Variants in CACNA1C observed in about 807,000 individuals in gnomAD.
CACNA1C encodes voltage-dependent L-type calcium channel subunit alpha-1C.
CACNA1C carries 30 observed loss-of-function variants against 229.0 expected under a neutral mutation model. That is an observed-to-expected ratio of 0.13 (90% CI 0.10 to 0.18). The LOEUF is 0.18. Among genes scored for constraint, CACNA1C ranks in the 10% least tolerant of loss-of-function variants. The pLI, the probability that CACNA1C is intolerant of heterozygous loss-of-function variation, is 1.00. For synonymous variants in CACNA1C, 1,114 were observed against 1,132.5 expected, an observed-to-expected ratio of 0.98 and a Z score of 0.33; for missense variants, 1,658 against 2,845.0, an observed-to-expected ratio of 0.58 and a Z score of 9.49.
At chr12:2,588,292 G>A (rs775783516) in intron 18 of CACNA1C, among the ~76,000 whole-genome samples, 1 of 152,228 alleles carries the variant, frequency 6.6e-6, no homozygotes, top group Non-Finnish European at 1.5e-5. Flanking sequence ...GCCATGCCTG[G>A]TTCATGCAGG....
At chr12:2,537,191 C>T (rs2099857793) in intron 9 of CACNA1C, among the ~76,000 whole-genome samples, 1 of 152,250 alleles carries the variant, frequency 6.6e-6, no homozygotes, top group South Asian at 2.1e-4. Flanking sequence ...CTTACCCTTG[C>T]TCTCCCATGA....
intron 5 of CACNA1C, among the ~76,000 whole-genome samples, chr12:2,470,925 C>T (rs563389112): frequency 9.2e-5 from 14 of 152,130 alleles, no homozygotes; most frequent in South Asian, 2.1e-4. Flanking sequence ...CACCCCCTCC[C>T]GGGTTCAAAT....
intron 3 of CACNA1C, among the ~76,000 whole-genome samples, chr12:2,238,771 C>A (rs1042914767): frequency 6.6e-6 from 1 of 152,050 alleles, no homozygotes; most frequent in Admixed American, 6.6e-5. Flanking sequence ...TGCAGGAAGC[C>A]GAGAGGAGGA....
In CACNA1C at chr12:2,173,223, G is replaced by A. The variant is rs1489925558; in HGVS notation, c.477+52793G>A. The stretch of plus-strand genomic sequence containing the variant: ...ATTTAAGTCTGAGGGGAGAAGTTAG[G>A]AAAGGGTTGTGGGTCACAGAATTAG... On this transcript the variant is annotated intron_variant, in intron 3 of 46. Transcript: ENST00000399655. 2.0e-5 allele frequency among the ~76,000 whole-genome samples: 3 copies of A among 152,318 alleles called. No individual in the cohort carries two copies. In the East Asian group the frequency reaches 5.8e-4, roughly 29 times the overall value.
intron 3 of CACNA1C, among the ~76,000 whole-genome samples, chr12:2,194,231 C>T (rs1221440198): frequency 2.8e-5 from 4 of 141,286 alleles, no homozygotes; most frequent in Admixed American, 2.1e-4. Flanking sequence ...CCTTCTACTC[C>T]TTTTGTTCCT....
intron 1 of CACNA1C, among the ~76,000 whole-genome samples, chr12:2,033,816 G>A (rs1006385): frequency 0.61 from 92,346 of 152,122 alleles, 29,944 homozygotes; most frequent in East Asian, 0.85. Flanking sequence ...TGTAGGCACC[G>A]TGAATAGATG....
intron 9 of CACNA1C, among the ~76,000 whole-genome samples, chr12:2,544,993 A>C (rs1370836706): frequency 6.6e-6 from 1 of 152,218 alleles, no homozygotes; most frequent in African/African-American, 2.4e-5. Flanking sequence ...AGAAAGCTGT[A>C]GTGAATCATA....
intron 6 of CACNA1C, among the ~76,000 whole-genome samples, chr12:2,491,753 G>A (rs1314564543): frequency 6.6e-6 from 1 of 152,160 alleles, no homozygotes; most frequent in Non-Finnish European, 1.5e-5. Flanking sequence ...TCTTACTTAA[G>A]GATTAATATT....
chr12:2,369,403 C>CTTTTTTTT (rs372810217), intron 3 of CACNA1C, among the ~76,000 whole-genome samples: 5 of 142,050 alleles, frequency 3.5e-5, no homozygotes, highest in African/African-American at 5.1e-5. Flanking sequence ...CTTTACATAC[C>CTTTTTTTT]TTTTTTTTTT....
At chr12:2,117,593 G>T (rs1393634469) in intron 2 of CACNA1C, among the ~76,000 whole-genome samples, 1 of 152,242 alleles carries the variant, frequency 6.6e-6, no homozygotes, top group East Asian at 1.9e-4. Flanking sequence ...TCAAATCCAG[G>T]TTCCCCTGAC....
At chr12:2,621,993 G>T (rs1286014730) in intron 29 of CACNA1C, among the ~76,000 whole-genome samples, 2 of 152,182 alleles carry the variant, frequency 1.3e-5, no homozygotes, top group Non-Finnish European at 2.9e-5. Context: ...TTCAAGTCCT[G>T]GGAGAAGAGT....
At chr12:2,125,061 A>G (rs972858391) in intron 3 of CACNA1C, among the ~76,000 whole-genome samples, 2 of 152,090 alleles carry the variant, frequency 1.3e-5, no homozygotes, top group African/African-American at 2.4e-5. Flanking sequence ...ACCCTGGAGA[A>G]CAGTGACGTT....
chr12:2,608,818 TGA>T lies in CACNA1C; in HGVS notation c.3558+109_3558+110del, dbSNP rs2076389299. The T allele has an allele frequency of 9.2e-7, 1 of 1,085,114 alleles. No individual in the cohort carries two copies. The highest frequency in any genetic ancestry group is 1.4e-6 in the Non-Finnish European group (1 of 740,556). The allele number at this position is 1,085,114 out of a possible 1,614,324, so 67.2% of individuals were successfully genotyped here. On this transcript the variant is annotated intron_variant, in intron 27 of 46. Transcript: ENST00000399655. This position sits in a 1 kb window ranked among gnomAD's most constrained non-coding sequence, Gnocchi z 4.2. ...CGACAGGGAGAGGCCGTGCAGATAC[TGA>T]GATCGTCTCTCTATTCCTCAACCAG... is the stretch of plus-strand genomic sequence containing the variant.
chr12:2,168,377 G>T (rs374701249), intron 3 of CACNA1C, among the ~76,000 whole-genome samples: 10 of 152,312 alleles, frequency 6.6e-5, no homozygotes, highest in African/African-American at 2.4e-4. Flanking sequence ...GATCATTAAT[G>T]TCTCTTATGG....
rs1000084380 is a variant in CACNA1C, at chr12:2,119,019, G to A, written c.372-1306G>A. Reference sequence around the variant, plus strand: ...TCCTCCCAGTTCAGAATTCTGTGACGCTGGCCCAGGGCTGCCCCTTAACAC... The same window carrying A: ...TCCTCCCAGTTCAGAATTCTGTGACACTGGCCCAGGGCTGCCCCTTAACAC... On this transcript the variant is annotated intron_variant, in intron 2 of 46. Transcript: ENST00000399655. Among the ~76,000 whole-genome samples, 9 of 152,278 alleles carry A rather than the reference G, an allele frequency of 5.9e-5. 3 individuals carry two copies. The highest frequency in any genetic ancestry group is 5.9e-4 in the Admixed American group (9 of 15,300).
chr12:2,331,917 T>C (rs2096560685), intron 3 of CACNA1C, among the ~76,000 whole-genome samples: 1 of 152,212 alleles, frequency 6.6e-6, no homozygotes, highest in African/African-American at 2.4e-5. Flanking sequence ...TAAAGAAATA[T>C]GACAATTAAG....
chr12:2,458,768 A>G (rs1449118698), intron 5 of CACNA1C, among the ~76,000 whole-genome samples: 1 of 152,106 alleles, frequency 6.6e-6, no homozygotes, highest in Non-Finnish European at 1.5e-5. Flanking sequence ...GAAACCGTGG[A>G]AATGTGAGGG....
chr12:2,115,168 G>T, intron 1 of CACNA1C, 56 bp from the exon 2 acceptor site: 1 of 1,318,760 alleles, frequency 7.6e-7, no homozygotes, highest in Non-Finnish European at 1.0e-6. Context: ...GAGAGTGTCG[G>T]AAGTGCCCCT....
intron 30 of CACNA1C, 23 bp from the exon 31 acceptor site, chr12:2,648,452 T>C: frequency 6.2e-7 from 1 of 1,612,884 alleles, no homozygotes; most frequent in Non-Finnish European, 8.5e-7. Context: ...TTACAGCTTA[T>C]CTCTATCTGC....
Sources: allele counts gnomAD v4.1 joint callset (sites outside exome capture counted in the v4.1 genomes callset), GRCh38; gene constraint gnomAD v4.1.1; non-coding constraint Gnocchi (gnomAD v3.1); transcripts MANE v1.5; gene names NCBI Gene and HGNC (gene_info 2026-07-23, HGNC 2026-07-21).